Variants in HCLS1 observed in about 807,000 individuals in gnomAD.
HCLS1 encodes hematopoietic cell-specific Lyn substrate 1.
A neutral mutation model predicts 68.6 loss-of-function variants in HCLS1; 44 were observed. The ratio of observed to expected loss-of-function variants is 0.64; its 90% CI spans 0.50 to 0.82. The LOEUF (loss-of-function observed/expected upper bound fraction) is 0.82. HCLS1 is among the 40% of genes least tolerant of loss of function. The pLI, the probability that HCLS1 is intolerant of heterozygous loss-of-function variation, is 0.00. For missense variants in HCLS1, 602 were observed against 612.1 expected, an observed-to-expected ratio of 0.98 and a Z score of 0.17; for synonymous variants, 217 against 225.8, an observed-to-expected ratio of 0.96 and a Z score of 0.35.
chr3:121,637,451 T>C (rs1304904413), intron 6 of HCLS1, among the ~76,000 whole-genome samples, 195 bp from the exon 7 acceptor site: 1 of 152,090 alleles, frequency 6.6e-6, no homozygotes, highest in Non-Finnish European at 1.5e-5. Context: ...ACTTTTTCCC[T>C]CTCTTCTCTC....
intron 2 of HCLS1, 135 bp from the exon 3 acceptor site, chr3:121,657,487 C>T (rs1227282991): frequency 4.1e-6 from 3 of 739,308 alleles, no homozygotes; most frequent in African/African-American, 1.7e-5. Flanking sequence ...TTCACATCCC[C>T]TCTATATTTA....
chr3:121,644,632 C>T, intron 5 of HCLS1, 186 bp downstream of exon 5: 1 of 695,456 alleles, frequency 1.4e-6, no homozygotes, highest in Non-Finnish European at 2.6e-6. Context: ...TTCAGCTCAG[C>T]ATGTGGCTTC....
chr3:121,647,808 G>A (rs538807082), intron 3 of HCLS1, among the ~76,000 whole-genome samples: 1 of 152,246 alleles, frequency 6.6e-6, no homozygotes, highest in South Asian at 2.1e-4. Flanking sequence ...CTATCAATTA[G>A]AGGATGTGTC....
chr3:121,634,705 C>T (rs1238631374), intron 9 of HCLS1, among the ~76,000 whole-genome samples: 1 of 151,916 alleles, frequency 6.6e-6, no homozygotes, highest in Non-Finnish European at 1.5e-5. Flanking sequence ...AGTCATGGGA[C>T]ACTGCAGCCT....
intron 3 of HCLS1, among the ~76,000 whole-genome samples, chr3:121,656,662 G>A (rs1462481203): frequency 4.6e-5 from 7 of 152,172 alleles, no homozygotes; most frequent in Non-Finnish European, 1.5e-5. Context: ...TTATCAACAG[G>A]TTTTCCAAGT....
At chr3:121,651,136 T>TAATC (rs372219717) in intron 3 of HCLS1, among the ~76,000 whole-genome samples, 6 of 152,120 alleles carry the variant, frequency 3.9e-5, no homozygotes, top group Middle Eastern at 3.4e-3. Flanking sequence ...AATCAATAAA[T>TAATC]AATCAATCAA....
intron 4 of HCLS1, among the ~76,000 whole-genome samples, chr3:121,645,400 G>A (rs1354712728): frequency 6.6e-6 from 1 of 152,044 alleles, no homozygotes; most frequent in Non-Finnish European, 1.5e-5. Context: ...AAGTTCAGAA[G>A]TGAACTCTGA....
chr3:121,660,386 C>T (rs1464498208), intron 1 of HCLS1, among the ~76,000 whole-genome samples: 1 of 152,162 alleles, frequency 6.6e-6, no homozygotes, highest in Non-Finnish European at 1.5e-5. Flanking sequence ...GCACTTGGTA[C>T]TCAGTGCTAG....
rs2049152739 is a variant in HCLS1, at chr3:121,636,478, C to A, written c.577G>T (p.Gly193Cys). 1.2e-6 allele frequency: 2 copies of A among 1,613,624 alleles called. No individual in the cohort carries two copies. Among genetic ancestry groups the A allele is most frequent in the Non-Finnish European group, 1.7e-6 (2 of 1,179,670 alleles). ...KHESQRDYAK[G>C]FGGQYGIQKD... ...TGGATTCCATACTGGCCACCAAAGC[C>A]CTTGGCATAATCTGCAGGACAGAAA... The change falls in exon 8 of 14, where the codon GGC becomes TGC. Residue 193 changes from glycine (G) to cysteine (C), a missense_variant. Physicochemically the swap from Gly to Cys is radical, Grantham distance 159. Coordinates refer to ENST00000314583, the MANE Select transcript of HCLS1 (RefSeq NM_005335.6).
At position 121,657,294 on chromosome 3, in the gene HCLS1, C is replaced by T. The variant is rs114739036; in HGVS notation, c.143G>A (p.Arg48His). 5.8e-4 allele frequency: 933 copies of T among 1,613,886 alleles called. 6 individuals are homozygous for T. The African/African-American group carries it at 0.011, about 19-fold the overall frequency. The change falls in exon 3 of 14, where the codon CGC (arginine) becomes CAC (histidine). Residue 48 changes from arginine (R) to histidine (H), a missense_variant. Physicochemically the swap from Arg to His is conservative, Grantham distance 29. Coordinates refer to ENST00000314583, the MANE Select transcript of HCLS1 (RefSeq NM_005335.6). ...WGAKTIEGSGRTEHINIHQLR... is the reference protein window; with the variant it reads ...WGAKTIEGSGHTEHINIHQLR... The stretch of plus-strand genomic sequence containing the variant: ...CGGCACCTACTTGATGTGTTCTGTG[C>T]GTCCAGACCCCTCGATGGTCTTGGC...
At chr3:121,635,942 C>T (rs1213729794) in intron 8 of HCLS1, 138 bp from the exon 9 acceptor site, 1 of 678,158 alleles carries the variant, frequency 1.5e-6, no homozygotes, top group Non-Finnish European at 2.6e-6. Flanking sequence ...CAGCATGTTC[C>T]AATGTTGTTT....
intron 4 of HCLS1, among the ~76,000 whole-genome samples, chr3:121,645,788 T>C (rs897700520): frequency 2.7e-5 from 4 of 150,016 alleles, no homozygotes; most frequent in African/African-American, 9.7e-5. Context: ...AAAAAATATA[T>C]ATTTTGATCT....
intron 4 of HCLS1, among the ~76,000 whole-genome samples, chr3:121,646,025 A>G (rs1292484491): frequency 3.8e-5 from 5 of 131,616 alleles, no homozygotes; most frequent in Non-Finnish European, 7.7e-5. Flanking sequence ...ATAATTATAT[A>G]AGTATATAAT....
chr3:121,642,804 TAA>T (rs1405547953), intron 6 of HCLS1, 121 bp downstream of exon 6: 2 of 783,740 alleles, frequency 2.6e-6, no homozygotes, highest in East Asian at 2.5e-5. Context: ...AAAAAGTAAA[TAA>T]AATAGTGGTG....
In HCLS1 at chr3:121,639,756, T is replaced by C. The variant is rs1305520065; in HGVS notation, c.455-2500A>G. Among the ~76,000 whole-genome samples the C allele has an allele frequency of 2.6e-5, 4 of 152,174 alleles. No individual in the cohort carries two copies. The East Asian group carries it at 5.8e-4, about 22-fold the overall frequency. On this transcript the variant is annotated intron_variant, in intron 6 of 13. Transcript: ENST00000314583. ...ATTTGTTGAATGTAGCAAATGTTTG[T>C]AGCAAATGAAGGTAGTGTTCAGAGG...
intron 3 of HCLS1, among the ~76,000 whole-genome samples, chr3:121,651,074 G>T (rs1028707534): frequency 6.6e-6 from 1 of 152,192 alleles, no homozygotes; most frequent in African/African-American, 2.4e-5. Context: ...GGCAGAGGTT[G>T]CAGTGAGCTG....
intron 9 of HCLS1, among the ~76,000 whole-genome samples, chr3:121,635,237 T>TCTCTCTCTCTC (rs2049138799): frequency 1.7e-5 from 2 of 114,448 alleles, no homozygotes; most frequent in South Asian, 3.7e-4. Context: ...TCTCTCCCTT[T>TCTCTCTCTCTC]TCTCTCTCTC....
chr3:121,652,916 A>G (rs9883663), intron 3 of HCLS1, among the ~76,000 whole-genome samples: 6 of 152,040 alleles, frequency 3.9e-5, no homozygotes, highest in Admixed American at 6.5e-5. Context: ...TTAGACAAAA[A>G]CAATATATTG....
chr3:121,654,561 A>G (rs1937821123), intron 3 of HCLS1, among the ~76,000 whole-genome samples: 1 of 152,172 alleles, frequency 6.6e-6, no homozygotes. Flanking sequence ...TACAGAATGG[A>G]TAAGGGATGC....
Sources: allele counts gnomAD v4.1 joint callset (sites outside exome capture counted in the v4.1 genomes callset), GRCh38; gene constraint gnomAD v4.1.1; transcripts MANE v1.5; gene names NCBI Gene and HGNC (gene_info 2026-07-23, HGNC 2026-07-21).